SDK1: variants seen among roughly 807,000 people sequenced by gnomAD.
SDK1 encodes protein sidekick-1.
Under a neutral mutation model 245.5 loss-of-function variants are expected in SDK1, and 157 were observed. The observed-to-expected ratio is 0.64, with a 90% CI of 0.56 to 0.73. The LOEUF is 0.73. Ranked by LOEUF, SDK1 falls within the 30% of genes least tolerant of loss-of-function variation. SDK1 has a pLI of 0.00. For synonymous variants in SDK1, 1,647 were observed against 1,278.5 expected, an observed-to-expected ratio of 1.29 and a Z score of -6.15; for missense variants, 3,583 against 3,002.3, an observed-to-expected ratio of 1.19 and a Z score of -4.52.
chr7:3,951,897 C>G lies in SDK1; in HGVS notation c.1127C>G (p.Ala376Gly), dbSNP rs752082365. 1 of 1,613,044 alleles carries G rather than the reference C, an allele frequency of 6.2e-7. No homozygotes were observed. The highest frequency in any genetic ancestry group is 1.3e-5 in the African/African-American group (1 of 74,990). ...GGGAGCGCTTTTGAACCGGCCAGGG[C>G]GACGGCCTTTCTTTTCATCATAGGT... ...LPGSAFEPAR[A>G]TAFLFIIEPP... is the part of the protein sequence containing the mutation. The change falls in exon 7 of 45, where the codon GCG becomes GGG. Residue 376 changes from alanine to glycine, a missense_variant. Physicochemically the swap from Ala to Gly is moderately conservative, Grantham distance 60. Transcript: ENST00000404826.
At chr7:3,630,506 C>T (rs12536371) in intron 2 of SDK1, among the ~76,000 whole-genome samples, 37,162 of 152,090 alleles carry the variant, frequency 0.24, 5,466 homozygotes, top group Non-Finnish European at 0.33. Flanking sequence ...CATGGTGGTG[C>T]ATGCCTATAA....
chr7:3,516,991 G>A (rs1166215839), intron 1 of SDK1, among the ~76,000 whole-genome samples: 1 of 152,148 alleles, frequency 6.6e-6, no homozygotes, highest in Non-Finnish European at 1.5e-5. Flanking sequence ...TGATGAGTGT[G>A]TGTGCCTTTT....
chr7:4,221,420 A>G, intron 40 of SDK1, 56 bp downstream of exon 40: 3 of 1,539,954 alleles, frequency 1.9e-6, no homozygotes, highest in Middle Eastern at 1.9e-4. Flanking sequence ...CAGTGCTTCT[A>G]AGACTGTGTC....
At chr7:4,123,596 G>A (rs1357132890) in intron 25 of SDK1, among the ~76,000 whole-genome samples, 2 of 152,160 alleles carry the variant, frequency 1.3e-5, no homozygotes, top group Non-Finnish European at 2.9e-5. Context: ...CACATTGCAA[G>A]TATTCCCTTT....
chr7:3,523,976 C>T (rs1156728081), intron 1 of SDK1, among the ~76,000 whole-genome samples: 1 of 152,138 alleles, frequency 6.6e-6, no homozygotes, highest in Non-Finnish European at 1.5e-5. Flanking sequence ...ATCCTTGATC[C>T]TGGCCTGTGA....
At chr7:4,125,186 G>GGAT (rs1784308321) in intron 25 of SDK1, among the ~76,000 whole-genome samples, 1 of 148,830 alleles carries the variant, frequency 6.7e-6, no homozygotes, top group African/African-American at 2.5e-5. Flanking sequence ...ATGGATGGAT[G>GGAT]GGTGATGGAT....
chr7:4,085,429 A>G (rs896309079), intron 22 of SDK1, among the ~76,000 whole-genome samples: 11 of 152,242 alleles, frequency 7.2e-5, no homozygotes, highest in African/African-American at 2.2e-4. Context: ...GTACTGTTCT[A>G]AAGCCACTGT....
chr7:3,818,769 G>A (rs574289092), intron 4 of SDK1, among the ~76,000 whole-genome samples: 7 of 152,282 alleles, frequency 4.6e-5, no homozygotes, highest in East Asian at 1.9e-4. Context: ...AGTGCTTTCC[G>A]TTCTCTCTAT....
In SDK1 at chr7:3,795,536, G is replaced by A. The variant is rs774371541; in HGVS notation, c.714-25914G>A. Among the ~76,000 whole-genome samples the A allele has an allele frequency of 1.1e-3, 163 of 152,124 alleles. 2 individuals are homozygous for A. The highest frequency in any genetic ancestry group is 3.8e-4 in the Non-Finnish European group (26 of 68,024). ...GAGCAAAGCTAGGAGGATTGGCTGC[G>A]CTCATGGAAATTTTCCTTTTACCCC... On this transcript the variant is annotated intron_variant, in intron 4 of 44. Coordinates refer to ENST00000404826, the MANE Select transcript of SDK1 (RefSeq NM_152744.4).
chr7:4,102,175 G>A (rs1054620093), intron 22 of SDK1, among the ~76,000 whole-genome samples: 1 of 151,642 alleles, frequency 6.6e-6, no homozygotes, highest in Admixed American at 6.6e-5. Flanking sequence ...TGCAAACTCT[G>A]CGATTTGTTT....
At chr7:3,757,097 C>T (rs1019724839) in intron 4 of SDK1, among the ~76,000 whole-genome samples, 8 of 152,132 alleles carry the variant, frequency 5.3e-5, no homozygotes, top group Admixed American at 1.3e-4. Context: ...AACTGAATTA[C>T]AAAACCAACT....
At chr7:3,836,465 A>G (rs1017187152) in intron 5 of SDK1, among the ~76,000 whole-genome samples, 8 of 152,228 alleles carry the variant, frequency 5.3e-5, no homozygotes, top group Admixed American at 4.6e-4. Flanking sequence ...ACTAAGCATC[A>G]TAGGCATTGA....
At chr7:3,819,657 C>G (rs1031105045) in intron 4 of SDK1, among the ~76,000 whole-genome samples, 2 of 151,946 alleles carry the variant, frequency 1.3e-5, no homozygotes, top group African/African-American at 2.4e-5. Flanking sequence ...TAATAAAACT[C>G]TATTGAAATA....
At chr7:3,607,664 G>A (rs555622515) in intron 1 of SDK1, among the ~76,000 whole-genome samples, 1 of 152,342 alleles carries the variant, frequency 6.6e-6, no homozygotes, top group Non-Finnish European at 1.5e-5. Flanking sequence ...TGGCTTAATA[G>A]TTAGTGACAT....
intron 22 of SDK1, among the ~76,000 whole-genome samples, chr7:4,085,262 AGTG>A (rs1781356489): frequency 6.6e-6 from 1 of 152,238 alleles, no homozygotes; most frequent in Admixed American, 6.5e-5. Context: ...TTATAATCTC[AGTG>A]GTATGACTAA....
intron 4 of SDK1, among the ~76,000 whole-genome samples, chr7:3,783,882 C>G (rs1562440702): frequency 6.6e-6 from 1 of 151,828 alleles, no homozygotes; most frequent in Non-Finnish European, 1.5e-5. Context: ...CAAAAATACC[C>G]CCAAATAGCC....
At chr7:3,511,215 T>A (rs1782569298) in intron 1 of SDK1, among the ~76,000 whole-genome samples, 1 of 152,234 alleles carries the variant, frequency 6.6e-6, no homozygotes, top group South Asian at 2.1e-4. Context: ...ATTTCATATT[T>A]TCCTTCTTGG....
In SDK1 at chr7:3,399,802, C is replaced by T. The variant is rs1015225105; in HGVS notation, c.298+97918C>T. On this transcript the variant is annotated intron_variant, in intron 1 of 44. Coordinates refer to ENST00000404826, the MANE Select transcript of SDK1 (RefSeq NM_152744.4). The stretch of plus-strand genomic sequence containing the variant: ...CTCTTTCCTCGGCTTGTATATGGCC[C>T]GGTACATGTGTGTGGAGTTCCAGAT... Among the ~76,000 whole-genome samples, 8 of 152,026 alleles carry T rather than the reference C, an allele frequency of 5.3e-5. No homozygotes were observed. The South Asian group carries it at 1.0e-3, about 20-fold the overall frequency.
intron 5 of SDK1, among the ~76,000 whole-genome samples, chr7:3,879,462 G>A (rs1781152891): frequency 6.6e-6 from 1 of 152,128 alleles, no homozygotes; most frequent in Non-Finnish European, 1.5e-5. Context: ...AGAACTCCCT[G>A]GAGGCAGAGA....
Sources: allele counts gnomAD v4.1 joint callset (sites outside exome capture counted in the v4.1 genomes callset), GRCh38; gene constraint gnomAD v4.1.1; transcripts MANE v1.5; gene names NCBI Gene and HGNC (gene_info 2026-07-23, HGNC 2026-07-21).